NPC1: variants seen among roughly 807,000 people sequenced by gnomAD.
NPC1 encodes Niemann-Pick C1 protein.
NPC1 carries 85 observed loss-of-function variants against 140.4 expected under a neutral mutation model. That is an observed-to-expected ratio of 0.61 (90% confidence interval 0.51 to 0.72). The LOEUF (loss-of-function observed/expected upper bound fraction) is 0.72. Among genes scored for constraint, NPC1 ranks in the 30% least tolerant of loss-of-function variants. The pLI is 0.00. For missense variants in NPC1, 1,504 were observed against 1,623.8 expected (o/e 0.93, Z 1.27); for synonymous variants, 656 against 624.8 (o/e 1.05, Z -0.74).
At chr18:23,552,291 T>TA (rs531324536) in intron 9 of NPC1, among the ~76,000 whole-genome samples, 2,256 of 148,978 alleles carry the variant, frequency 0.015, 30 homozygotes, top group South Asian at 0.044. Context: ...ATCCCATCTC[T>TA]AAAAAAAAAA....
At chr18:23,558,741 C>CT (rs1300903142) in intron 6 of NPC1, among the ~76,000 whole-genome samples, 11 of 151,790 alleles carry the variant, frequency 7.2e-5, no homozygotes, top group Admixed American at 6.6e-4. Flanking sequence ...TATTATTATA[C>CT]TTTAAGTTTT....
intron 3 of NPC1, among the ~76,000 whole-genome samples, chr18:23,512,962 C>CT (rs949706174): frequency 1.0e-4 from 15 of 150,750 alleles, no homozygotes; most frequent in East Asian, 2.0e-4. Flanking sequence ...AATTTGACTC[C>CT]TTTTTTTTTA....
chr18:23,527,911 A>G (rs367674145), downstream of NPC1: 80 of 1,606,394 alleles, frequency 5.0e-5, no homozygotes, highest in African/African-American at 4.4e-4. Context: ...GGTGAGTTAC[A>G]TGGAGTATGA....
intron 1 of NPC1, among the ~76,000 whole-genome samples, chr18:23,576,285 G>A (rs1295380532): frequency 6.6e-6 from 1 of 152,098 alleles, no homozygotes; most frequent in East Asian, 1.9e-4. Flanking sequence ...GCCGAGCCTA[G>A]TGGCACATGC....
rs868224237 is a variant in NPC1 at position 23,568,904 on chromosome 18, C to T, written c.382G>A (p.Asp128Asn). 6.2e-7 allele frequency: 1 copy of T among 1,613,888 alleles called. No homozygotes were observed. Among genetic ancestry groups the T allele is most frequent in the African/African-American group, 1.3e-5 (1 of 75,064 alleles). Residue 128 changes from aspartate (D) to asparagine (N), a missense_variant, in exon 4 of 25, where the codon GAT becomes AAT. By Grantham distance (23) the Asp-to-Asn change is conservative. Transcript: ENST00000269228. Reference protein sequence around the residue: ...SQFLNVTATEDYVDPVTNQTK... With the variant: ...SQFLNVTATENYVDPVTNQTK... Reference sequence around the variant, plus strand: ...TGGTTTGTAACAGGATCAACATAATCTTCAGTAGCTGTAACATTCAAAAAC... The same window carrying T: ...TGGTTTGTAACAGGATCAACATAATTTTCAGTAGCTGTAACATTCAAAAAC...
At chr18:23,564,080 G>A (rs955665155) in intron 4 of NPC1, among the ~76,000 whole-genome samples, 2 of 139,352 alleles carry the variant, frequency 1.4e-5, no homozygotes, top group Non-Finnish European at 3.0e-5. Context: ...CACTTCCCAG[G>A]CTGAAGCAAT....
chr18:23,564,680 T>C (rs2059096665), intron 4 of NPC1, among the ~76,000 whole-genome samples: 1 of 152,190 alleles, frequency 6.6e-6, no homozygotes. Context: ...TTTAATGAAG[T>C]CCAATTAATC....
chr18:23,571,653 CAAAA>C (rs10618426), intron 3 of NPC1, among the ~76,000 whole-genome samples: 12 of 141,442 alleles, frequency 8.5e-5, no homozygotes, highest in African/African-American at 2.8e-4. Context: ...GAGTCTGTCT[CAAAA>C]AAAAAAAAAA....
downstream of NPC1, among the ~76,000 whole-genome samples, chr18:23,530,993 A>ATC (rs2058482926): frequency 6.6e-6 from 1 of 151,798 alleles, no homozygotes; most frequent in Non-Finnish European, 1.5e-5. Flanking sequence ...ACATTGGTTG[A>ATC]TCATTCTCAT....
rs1212619349 is a variant in NPC1 at position 23,532,091 on chromosome 18, C to T, written c.*111G>A. On this transcript the variant is annotated 3_prime_UTR_variant, in exon 25 of 25. Transcript: ENST00000269228. ...ACGTTCAAAGCTGCTGCCAAACAAC[C>T]GATGGTTGGCACCATCCGGTGTTCA... 8.7e-6 allele frequency: 14 copies of T among 1,612,092 alleles called. No individual in the cohort carries two copies. The highest frequency in any genetic ancestry group is 1.7e-5 in the Admixed American group (1 of 59,890).
rs538915777 is a variant in NPC1, at chr18:23,573,847, G to A, written c.58-273C>T. Among the ~76,000 whole-genome samples, 456 of 151,626 alleles carry A rather than the reference G, an allele frequency of 3.0e-3. 2 individuals carry two copies. The highest frequency in any genetic ancestry group is 0.011 in the African/African-American group (444 of 41,546). Reference sequence around the variant, plus strand: ...AAGAGGAAGCTATAGTTCCATGTAAGAAATACTCAATCACAGTAGAGAGAA... The same window carrying A: ...AAGAGGAAGCTATAGTTCCATGTAAAAAATACTCAATCACAGTAGAGAGAA... On this transcript the variant is annotated intron_variant, in intron 1 of 24. Transcript: ENST00000269228.
At chr18:23,557,555 G>T (rs1429085203) in intron 6 of NPC1, among the ~76,000 whole-genome samples, 1 of 152,194 alleles carries the variant, frequency 6.6e-6, no homozygotes, top group Non-Finnish European at 1.5e-5. Context: ...AAGAGATCGA[G>T]ACCAACCTGG....
chr18:23,558,146 T>C (rs1285953638), intron 6 of NPC1, among the ~76,000 whole-genome samples: 1 of 152,224 alleles, frequency 6.6e-6, no homozygotes, highest in African/African-American at 2.4e-5. Flanking sequence ...ACCTTAGTTA[T>C]AACTGTTGCA....
chr18:23,562,787 G>C (rs2059062522), intron 4 of NPC1, among the ~76,000 whole-genome samples: 1 of 151,766 alleles, frequency 6.6e-6, no homozygotes, highest in African/African-American at 2.4e-5. Context: ...AGGAGGTCCA[G>C]ACCAGCCTGG....
Position 23,535,625 on chromosome 18 carries a change from G to A in NPC1, c.3321C>T (p.Gly1107=), listed in dbSNP as rs376210355. Residue 1107 remains glycine (G), a synonymous_variant, in exon 22 of 25, where the codon GGC becomes GGT. Transcript: ENST00000269228. ...GGACCATGGTCACCAGAAATATCGCGCCCAGGGACACACCGAGGTTGAAGA... is the reference window on the plus strand; with the variant it reads ...GGACCATGGTCACCAGAAATATCGCACCCAGGGACACACCGAGGTTGAAGA... ...DTIFNLGVSL[G]AIFLVTMVLL... 2.8e-5 allele frequency: 45 copies of A among 1,613,950 alleles called. No homozygotes were observed. The highest frequency in any genetic ancestry group is 1.6e-4 in the Middle Eastern group (1 of 6,084).
At chr18:23,584,860 A>G (rs1267333624) in intron 1 of NPC1, among the ~76,000 whole-genome samples, 1 of 152,154 alleles carries the variant, frequency 6.6e-6, no homozygotes, top group Non-Finnish European at 1.5e-5. Flanking sequence ...GTCTCCAAAA[A>G]AAAGGGAAGC....
At chr18:23,512,629 G>C (rs1280568605) in intron 3 of NPC1, among the ~76,000 whole-genome samples, 1 of 146,506 alleles carries the variant, frequency 6.8e-6, no homozygotes, top group African/African-American at 2.5e-5. Flanking sequence ...ATGAGGTCTT[G>C]CTGTGTTGCC....
downstream of NPC1, among the ~76,000 whole-genome samples, chr18:23,526,286 C>G (rs1248310871): frequency 3.3e-5 from 5 of 152,180 alleles, no homozygotes; most frequent in East Asian, 9.6e-4. Flanking sequence ...GTGTTGACAT[C>G]TTTTTCTATT....
intron 3 of NPC1, among the ~76,000 whole-genome samples, chr18:23,507,236 A>T (rs760013562): frequency 2.2e-4 from 34 of 152,216 alleles, no homozygotes; most frequent in Non-Finnish European, 4.6e-4. Flanking sequence ...GGTTAAAAAA[A>T]TGACCTTAGT....
Sources: allele counts gnomAD v4.1 joint callset (sites outside exome capture counted in the v4.1 genomes callset), GRCh38; gene constraint gnomAD v4.1.1; transcripts MANE v1.5; gene names NCBI Gene and HGNC (gene_info 2026-07-23, HGNC 2026-07-21).